The following TM9SF2 variants were observed in gnomAD, a reference collection of about 807,000 sequenced individuals.
TM9SF2 encodes the protein 76 kDa membrane protein.
A neutral mutation model predicts 84.9 loss-of-function variants in TM9SF2; 13 were observed. The ratio of observed to expected loss-of-function variants is 0.15; its 90% CI spans 0.10 to 0.24. The LOEUF (loss-of-function observed/expected upper bound fraction) is 0.24, where lower values mean the gene tolerates loss of function less well. Among genes scored for constraint, TM9SF2 ranks in the 10% least tolerant of loss-of-function variants. TM9SF2 has a pLI of 1.00. For synonymous variants in TM9SF2, 273 were observed against 285.8 expected (o/e 0.96, Z 0.45); for missense variants, 562 against 818.5 (o/e 0.69, Z 3.82).
intron 1 of TM9SF2, among the ~76,000 whole-genome samples, chr13:99,517,106 T>A (rs1326543058): frequency 6.6e-6 from 1 of 151,960 alleles, no homozygotes; most frequent in Non-Finnish European, 1.5e-5. Flanking sequence ...TGTGTATTTT[T>A]AAAATTAATT....
intron 12 of TM9SF2, among the ~76,000 whole-genome samples, chr13:99,551,221 G>A (rs773954974): frequency 7.9e-5 from 12 of 152,166 alleles, no homozygotes; most frequent in Non-Finnish European, 1.6e-4. Flanking sequence ...TTATTAACTC[G>A]AAAGAGATGG....
At chr13:99,528,465 T>C (rs530576677) in intron 3 of TM9SF2, among the ~76,000 whole-genome samples, 1 of 152,358 alleles carries the variant, frequency 6.6e-6, no homozygotes, top group Admixed American at 6.5e-5. Context: ...TCTTGCTATT[T>C]CCTTCACAAT....
intron 3 of TM9SF2, among the ~76,000 whole-genome samples, chr13:99,520,833 G>A (rs1254720823): frequency 6.6e-6 from 1 of 152,188 alleles, no homozygotes; most frequent in Non-Finnish European, 1.5e-5. Context: ...GCCTCCCAAA[G>A]TGTTGAGATT....
intron 3 of TM9SF2, among the ~76,000 whole-genome samples, chr13:99,522,432 A>C (rs1293515292): frequency 1.3e-5 from 2 of 152,196 alleles, no homozygotes; most frequent in Non-Finnish European, 1.5e-5. Context: ...ATTGAGGAGG[A>C]AGGAACTCAA....
chr13:99,532,132 A>G, intron 4 of TM9SF2, among the ~76,000 whole-genome samples: 1 of 151,546 alleles, frequency 6.6e-6, no homozygotes. Context: ...GCTCACTGCA[A>G]GCTCCGCCTC....
chr13:99,555,332 G>A (rs2046321067), intron 14 of TM9SF2, among the ~76,000 whole-genome samples: 1 of 152,122 alleles, frequency 6.6e-6, no homozygotes, highest in African/African-American at 2.4e-5. Context: ...TGAGCAGGAA[G>A]GTAAAGTCCA....
intron 4 of TM9SF2, among the ~76,000 whole-genome samples, chr13:99,536,085 G>A (rs1396841090): frequency 6.6e-6 from 1 of 151,922 alleles, no homozygotes; most frequent in Non-Finnish European, 1.5e-5. Context: ...TGAGTAATAA[G>A]AGGCATTTCC....
chr13:99,549,191 A>G lies in TM9SF2; in HGVS notation c.1297A>G (p.Asn433Asp). 6.2e-7 allele frequency: 1 copy of G among 1,613,500 alleles called. No individual in the cohort carries two copies. The highest frequency in any genetic ancestry group is 8.5e-7 in the Non-Finnish European group (1 of 1,179,692). The change falls in exon 12 of 17, where the codon AAT becomes GAT. Residue 433 changes from asparagine to aspartate, a missense_variant. Asn to Asp is a conservative substitution (Grantham distance 23). Around this residue, in one of 4 missense-constraint regions of TM9SF2, gnomAD observed 219 missense variants for 338.1 expected, o/e 0.65. Transcript: ENST00000376387. Reference protein sequence around the residue: ...KSFGGEKWKTNVLLTSFLCPG... With the variant: ...KSFGGEKWKTDVLLTSFLCPG... ...CTTTGGAGGTGAGAAGTGGAAAACA[A>G]ATGTTTTATTAACATCATTTCTTTG...
At chr13:99,531,313 C>T (rs991273809) in intron 4 of TM9SF2, among the ~76,000 whole-genome samples, 1 of 152,160 alleles carries the variant, frequency 6.6e-6, no homozygotes, top group Non-Finnish European at 1.5e-5. Flanking sequence ...AAGATGCTTT[C>T]AGTGGCGAAC....
In TM9SF2 at chr13:99,555,490, C is replaced by G. The variant is rs41280152; in HGVS notation, c.1641-46C>G. ...GAAAAGATTGTGTTATGTATTGTGTCAAATTGAAAATATTTATAGTTCCTT... is the reference window on the plus strand; with the variant it reads ...GAAAAGATTGTGTTATGTATTGTGTGAAATTGAAAATATTTATAGTTCCTT... On this transcript the variant is annotated intron_variant, in intron 14 of 16. Transcript: ENST00000376387. 2.2e-3 allele frequency: 3,090 copies of G among 1,424,636 alleles called. 52 individuals are homozygous for G. In the African/African-American group the frequency reaches 0.038, roughly 17 times the overall value. 88.2% of individuals were successfully genotyped at this position (1,424,636 alleles called of 1,614,324 possible).
intron 9 of TM9SF2, among the ~76,000 whole-genome samples, chr13:99,543,058 C>G (rs1297789172): frequency 6.6e-6 from 1 of 152,210 alleles, no homozygotes; most frequent in Non-Finnish European, 1.5e-5. Flanking sequence ...TTCCTCAGAC[C>G]AGGCAGACAT....
At chr13:99,548,700 A>G (rs930952369) in intron 11 of TM9SF2, among the ~76,000 whole-genome samples, 11 of 152,190 alleles carry the variant, frequency 7.2e-5, no homozygotes, top group Non-Finnish European at 1.6e-4. Flanking sequence ...CCTCCTAGGA[A>G]CCACAGTTCC....
At chr13:99,506,955 C>CTA (rs1266501957) in intron 1 of TM9SF2, among the ~76,000 whole-genome samples, 1 of 152,186 alleles carries the variant, frequency 6.6e-6, no homozygotes, top group Non-Finnish European at 1.5e-5. Context: ...TTAAAATTAA[C>CTA]TATCTATGAA....
intron 1 of TM9SF2, among the ~76,000 whole-genome samples, chr13:99,514,640 G>T (rs2046126539): frequency 6.6e-6 from 1 of 152,228 alleles, no homozygotes; most frequent in South Asian, 2.1e-4. Flanking sequence ...GCATCATGCT[G>T]TTCTTTCCCG....
At position 99,517,874 on chromosome 13, in the gene TM9SF2, A is replaced by G. The variant is rs118056573; in HGVS notation, c.239+193A>G. Among the ~76,000 whole-genome samples the G allele has an allele frequency of 2.0e-5, 3 of 152,282 alleles. No homozygotes were observed. The East Asian group carries it at 5.8e-4, about 29-fold the overall frequency. On this transcript the variant is annotated intron_variant, in intron 2 of 16. Coordinates refer to ENST00000376387, the MANE Select transcript of TM9SF2 (RefSeq NM_004800.3). ...GTAATACAACAGAAGCACTGACTAAACAATGGATTTCTTTTTTTATCTGAC... is the reference window on the plus strand; with the variant it reads ...GTAATACAACAGAAGCACTGACTAAGCAATGGATTTCTTTTTTTATCTGAC...
intron 1 of TM9SF2, among the ~76,000 whole-genome samples, chr13:99,505,969 T>C (rs929353487): frequency 6.6e-6 from 1 of 152,146 alleles, no homozygotes; most frequent in Non-Finnish European, 1.5e-5. Context: ...AAGATTAAGA[T>C]TTTTTTTCCT....
At chr13:99,553,140 G>A (rs766457537) in intron 13 of TM9SF2, among the ~76,000 whole-genome samples, 1 of 152,166 alleles carries the variant, frequency 6.6e-6, no homozygotes, top group Non-Finnish European at 1.5e-5. Context: ...AAACAAAAAC[G>A]AGATCTTATT....
At chr13:99,531,856 A>G (rs1172577614) in intron 4 of TM9SF2, among the ~76,000 whole-genome samples, 2 of 152,204 alleles carry the variant, frequency 1.3e-5, no homozygotes, top group Admixed American at 6.5e-5. Flanking sequence ...TATCAATTGC[A>G]TATCAACCTG....
chr13:99,563,891 T>C lies in TM9SF2; in HGVS notation c.*1133T>C, dbSNP rs1007470132. Reference sequence around the variant, plus strand: ...GTAGAATATAGGAATGGGGGGTGATTCTGAAGTATCGGTCTGCTTGTATCT... The same window carrying C: ...GTAGAATATAGGAATGGGGGGTGATCCTGAAGTATCGGTCTGCTTGTATCT... On this transcript the variant is annotated 3_prime_UTR_variant, in exon 17 of 17. Coordinates refer to ENST00000376387, the MANE Select transcript of TM9SF2 (RefSeq NM_004800.3). The C allele has an allele frequency of 2.0e-5, 3 of 152,212 alleles. No homozygotes were observed. Among genetic ancestry groups the C allele is most frequent in the Non-Finnish European group, 2.9e-5 (2 of 68,050 alleles). 9.4% of individuals were successfully genotyped at this position (152,212 alleles called of 1,614,324 possible). A position where few individuals can be genotyped will look rare whatever the true frequency, so the allele number is the denominator to read the frequency against.
Sources: gnomAD v4.1 joint callset for allele counts (sites outside exome capture counted in the v4.1 genomes callset) on GRCh38, gnomAD v4.1.1 for gene constraint, gnomAD v4.1.1 regional missense constraint, MANE v1.5 for transcripts, NCBI Gene and HGNC (gene_info 2026-07-23, HGNC 2026-07-21) for gene names.